The following DNM2 variants were observed in gnomAD, a reference collection of about 807,000 sequenced individuals.
DNM2 encodes the protein dynamin 2, also known as dynamin-2.
A neutral mutation model predicts 99.0 loss-of-function variants in DNM2; 15 were observed. The observed-to-expected ratio is 0.15, with a 90% CI of 0.10 to 0.23. The LOEUF (loss-of-function observed/expected upper bound fraction) is 0.23, where lower values mean the gene tolerates loss of function less well. Among genes scored for constraint, DNM2 ranks in the 10% least tolerant of loss-of-function variants. The pLI, the probability that DNM2 is intolerant of heterozygous loss-of-function variation, is 1.00. For synonymous variants in DNM2, 525 were observed against 481.2 expected, an observed-to-expected ratio of 1.09 and a Z score of -1.19; for missense variants, 742 against 1,189.4, an observed-to-expected ratio of 0.62 and a Z score of 5.53.
chr19:10,831,284 G>A lies in DNM2; in HGVS notation c.*237G>A. ...GGCGCTGGGGTGTTGCACTTTGGGGGATGGAGTCTCAGGGTGGCAGAGGGG... is the reference window on the plus strand; with the variant it reads ...GGCGCTGGGGTGTTGCACTTTGGGGAATGGAGTCTCAGGGTGGCAGAGGGG... On this transcript the variant is annotated 3_prime_UTR_variant, in exon 21 of 21. Coordinates refer to ENST00000389253, the MANE Select transcript of DNM2 (RefSeq NM_001005361.3). The surrounding 1 kb of genome is among the most constrained non-coding windows in gnomAD (Gnocchi z 4.3). 1 of 1,294,932 alleles carries A rather than the reference G, an allele frequency of 7.7e-7. No homozygotes were observed. Among genetic ancestry groups the A allele is most frequent in the Non-Finnish European group, 9.8e-7 (1 of 1,023,370 alleles). The allele number at this position is 1,294,932 out of a possible 1,614,324, so 80.2% of individuals were successfully genotyped here. A position where few individuals can be genotyped will look rare whatever the true frequency, so the allele number is the denominator to read the frequency against.
At chr19:10,822,272 C>G (rs2072998941) in intron 16 of DNM2, among the ~76,000 whole-genome samples, 2 of 151,342 alleles carry the variant, frequency 1.3e-5, no homozygotes, top group Admixed American at 1.3e-4. Flanking sequence ...TCATTGTAGC[C>G]TCCACCTCCC....
chr19:10,746,872 G>A (rs1451106704), intron 1 of DNM2, among the ~76,000 whole-genome samples: 1 of 150,998 alleles, frequency 6.6e-6, no homozygotes, highest in Admixed American at 6.6e-5. Context: ...GAGTAGCTGG[G>A]ATTACAGGTG....
chr19:10,732,771 G>A (rs2069377821), intron 1 of DNM2, among the ~76,000 whole-genome samples: 1 of 152,030 alleles, frequency 6.6e-6, no homozygotes, highest in South Asian at 2.1e-4. Flanking sequence ...GAGCCTATAA[G>A]TCTAGTAACA....
Position 10,831,444 on chromosome 19 carries a change from C to A in DNM2, c.*397C>A. On this transcript the variant is annotated 3_prime_UTR_variant, in exon 21 of 21. Coordinates refer to ENST00000389253, the MANE Select transcript of DNM2 (RefSeq NM_001005361.3). This position sits in a 1 kb window ranked among gnomAD's most constrained non-coding sequence, Gnocchi z 4.3. ...CGGGCACCAAGGGCGCCTACATCCC[C>A]AGGCCTTGCTGGGGTGCAGGGGTAT... 11 of 1,009,580 alleles carry A rather than the reference C, an allele frequency of 1.1e-5. No individual in the cohort carries two copies. Among genetic ancestry groups the A allele is most frequent in the Non-Finnish European group, 1.3e-5 (11 of 845,954 alleles). 62.5% of individuals were successfully genotyped at this position (1,009,580 alleles called of 1,614,324 possible). A position where few individuals can be genotyped will look rare whatever the true frequency, so the allele number is the denominator to read the frequency against.
chr19:10,720,906 C>G (rs887113018), intron 1 of DNM2, among the ~76,000 whole-genome samples: 12 of 152,224 alleles, frequency 7.9e-5, no homozygotes, highest in African/African-American at 2.9e-4. Flanking sequence ...GGAGGCATTG[C>G]TATAATCCCC....
intron 1 of DNM2, among the ~76,000 whole-genome samples, chr19:10,748,225 T>C (rs1181586232): frequency 4.6e-5 from 7 of 152,066 alleles, no homozygotes; most frequent in Non-Finnish European, 8.8e-5. Context: ...GGAGGCAGAT[T>C]GTGGGGACCA....
chr19:10,775,410 G>T lies in DNM2; in HGVS notation c.386-293G>T, dbSNP rs1052746906. On this transcript the variant is annotated intron_variant, in intron 3 of 20. Transcript: ENST00000389253. This position sits in a 1 kb window ranked among gnomAD's most constrained non-coding sequence, Gnocchi z 4.3. ...TCTGTTTGTCTGTAATGGTTCTTTG[G>T]TATTGGCTGAATGGATGGGCTGAAA... Among the ~76,000 whole-genome samples, 2 of 152,190 alleles carry T rather than the reference G, an allele frequency of 1.3e-5. No individual in the cohort carries two copies. Among genetic ancestry groups the T allele is most frequent in the African/African-American group, 4.8e-5 (2 of 41,438 alleles).
At position 10,812,097 on chromosome 19, in the gene DNM2, C is replaced by T. The variant is rs1051377377; in HGVS notation, c.1558-167C>T. On this transcript the variant is annotated intron_variant, in intron 14 of 20. Coordinates refer to ENST00000389253, the MANE Select transcript of DNM2 (RefSeq NM_001005361.3). The surrounding 1 kb of genome is among the most constrained non-coding windows in gnomAD (Gnocchi z 4.0). ...GGTGGCGCCTCATGTTGGTTTCCTG[C>T]TGGAAATGCTTGGGACAGGGTGGAA... 1.7e-6 allele frequency: 1 copy of T among 603,794 alleles called. No homozygotes were observed. The highest frequency in any genetic ancestry group is 3.0e-6 in the Non-Finnish European group (1 of 327,886). 37.4% of individuals were successfully genotyped at this position (603,794 alleles called of 1,614,324 possible).
chr19:10,817,520 AAC>A lies in DNM2; in HGVS notation c.1672-2459_1672-2458del, dbSNP rs1190581523. Reference sequence around the variant, plus strand: ...GCGGGGCCGGCTATCCATCCTGCAGAACCCCCCAGGCAGACGCTGGGGCCACC... The same window carrying A: ...GCGGGGCCGGCTATCCATCCTGCAGACCCCCAGGCAGACGCTGGGGCCACC... On this transcript the variant is annotated intron_variant, in intron 15 of 20. Transcript: ENST00000389253. This position sits in a 1 kb window ranked among gnomAD's most constrained non-coding sequence, Gnocchi z 4.6. The A allele has an allele frequency of 4.4e-6, 2 of 450,226 alleles. No homozygotes were observed. The highest frequency in any genetic ancestry group is 9.1e-6 in the Non-Finnish European group (2 of 218,896). The allele number at this position is 450,226 out of a possible 1,614,324, so 27.9% of individuals were successfully genotyped here.
At chr19:10,743,830 A>T (rs1599460719) in intron 1 of DNM2, among the ~76,000 whole-genome samples, 8 of 149,764 alleles carry the variant, frequency 5.3e-5, no homozygotes, top group African/African-American at 2.0e-4. Flanking sequence ...AAAAAAAAAA[A>T]AAAAAAATTA....
At chr19:10,756,737 C>T (rs1220352702) in intron 1 of DNM2, among the ~76,000 whole-genome samples, 1 of 152,120 alleles carries the variant, frequency 6.6e-6, no homozygotes, top group South Asian at 2.1e-4. Context: ...TCCCCTCTGT[C>T]TTGCCTCCTC....
chr19:10,823,061 C>T lies in DNM2; in HGVS notation c.1782-727C>T, dbSNP rs577369497. ...CGGAGCTTGCAGTGAGCCAAGATCG[C>T]GCCACTGCACTCCAGCCTGGGCGAC... On this transcript the variant is annotated intron_variant, in intron 16 of 20. Transcript: ENST00000389253. Among the ~76,000 whole-genome samples, 77 of 151,076 alleles carry T rather than the reference C, an allele frequency of 5.1e-4. No individual in the cohort carries two copies. The Middle Eastern group carries it at 0.01, about 20-fold the overall frequency.
intron 6 of DNM2, among the ~76,000 whole-genome samples, chr19:10,783,601 T>C (rs1036411209): frequency 4.6e-5 from 7 of 152,096 alleles, no homozygotes; most frequent in African/African-American, 1.7e-4. Flanking sequence ...ATCATTGTAA[T>C]TATTCAGTCA....
chr19:10,751,816 G>A lies in DNM2; in HGVS notation c.162-7922G>A, dbSNP rs375278049. 1.3e-3 allele frequency among the ~76,000 whole-genome samples: 199 copies of A among 152,314 alleles called. 5 individuals are homozygous for A. In the South Asian group the frequency reaches 0.037, roughly 28 times the overall value. On this transcript the variant is annotated intron_variant, in intron 1 of 20. Coordinates refer to ENST00000389253, the MANE Select transcript of DNM2 (RefSeq NM_001005361.3). Reference sequence around the variant, plus strand: ...TCCTGTGCCCGACTTAGAACTGTTCGGAATAACACTCAAAATTTTAAGGAA... The same window carrying A: ...TCCTGTGCCCGACTTAGAACTGTTCAGAATAACACTCAAAATTTTAAGGAA...
At chr19:10,779,531 G>A (rs1176546207) in intron 5 of DNM2, among the ~76,000 whole-genome samples, 5 of 12,904 alleles carry the variant, frequency 3.9e-4, no homozygotes, top group Admixed American at 7.6e-4. Context: ...TTTTTTTGAC[G>A]ATGTCTTATT....
chr19:10,742,921 T>C (rs1568273959), intron 1 of DNM2, among the ~76,000 whole-genome samples: 2 of 150,444 alleles, frequency 1.3e-5, no homozygotes, highest in Admixed American at 6.6e-5. Context: ...TTCTTTTTTT[T>C]TTTTTTTTTT....
chr19:10,726,232 T>A lies in DNM2; in HGVS notation c.161+7829T>A, dbSNP rs1392077038. On this transcript the variant is annotated intron_variant, in intron 1 of 20. Transcript: ENST00000389253. ...AGACTCTGCCTCAAAAAAAAAAAAT[T>A]TTTTTTTTTTTAGAGACAGGGTCTT... is the stretch of plus-strand genomic sequence containing the variant. Among the ~76,000 whole-genome samples, 11 of 13,606 alleles carry A rather than the reference T, an allele frequency of 8.1e-4. 3 individuals carry two copies. In the South Asian group the frequency reaches 0.015, roughly 18 times the overall value. 8.9% of individuals were successfully genotyped at this position (13,606 alleles called of 152,430 possible).
At position 10,831,345 on chromosome 19, in the gene DNM2, T is replaced by C; in HGVS notation, c.*298T>C. The C allele has an allele frequency of 8.5e-7, 1 of 1,174,780 alleles. No individual in the cohort carries two copies. Among genetic ancestry groups the C allele is most frequent in the Non-Finnish European group, 1.1e-6 (1 of 949,846 alleles). 72.8% of individuals were successfully genotyped at this position (1,174,780 alleles called of 1,614,324 possible). On this transcript the variant is annotated 3_prime_UTR_variant, in exon 21 of 21. Coordinates refer to ENST00000389253, the MANE Select transcript of DNM2 (RefSeq NM_001005361.3). This position sits in a 1 kb window ranked among gnomAD's most constrained non-coding sequence, Gnocchi z 4.3. ...CCTTGACACCATCCTGAATGAGGGG[T>C]CCAGCCTGGGGGGGACTCTACCAAG...
intron 7 of DNM2, among the ~76,000 whole-genome samples, chr19:10,787,626 G>A (rs1443332829): frequency 6.6e-6 from 1 of 151,680 alleles, no homozygotes; most frequent in African/African-American, 2.4e-5. Flanking sequence ...GCGGTGGTGG[G>A]CACCTGTAGT....
Sources: allele counts gnomAD v4.1 joint callset (sites outside exome capture counted in the v4.1 genomes callset), GRCh38; gene constraint gnomAD v4.1.1; non-coding constraint Gnocchi (gnomAD v3.1); transcripts MANE v1.5; gene names NCBI Gene and HGNC (gene_info 2026-07-23, HGNC 2026-07-21).